Variants in CTNNA2 observed in about 807,000 individuals in gnomAD.
CTNNA2 encodes catenin alpha 2.
In CTNNA2, 42 loss-of-function variants were observed where a neutral mutation model predicts 101.0. That is an observed-to-expected ratio of 0.42 (90% CI 0.32 to 0.54). The LOEUF (loss-of-function observed/expected upper bound fraction) is 0.54, where lower values mean the gene tolerates loss of function less well. Ranked by LOEUF, CTNNA2 falls within the 20% of genes least tolerant of loss-of-function variation. The probability of loss-of-function intolerance (pLI) is 0.14; values close to 1 mark genes in which losing one functional copy is unlikely to be tolerated. For synonymous variants in CTNNA2, 450 were observed against 456.4 expected (o/e 0.99, Z 0.18); for missense variants, 871 against 1,223.1 (o/e 0.71, Z 4.29).
intron 6 of CTNNA2, among the ~76,000 whole-genome samples, chr2:79,881,986 T>TG (rs558202781): frequency 5.7e-4 from 86 of 151,896 alleles, no homozygotes; most frequent in Admixed American, 1.2e-3. Flanking sequence ...CAGGAGCTTT[T>TG]GCAAGGCAGG....
At chr2:80,360,547 C>A (rs1317613315) in intron 7 of CTNNA2, among the ~76,000 whole-genome samples, 1 of 152,016 alleles carries the variant, frequency 6.6e-6, no homozygotes, top group African/African-American at 2.4e-5. Context: ...GCATCTTAGA[C>A]TAATTTTAGG....
chr2:80,113,488 C>G (rs561518267), intron 7 of CTNNA2, among the ~76,000 whole-genome samples: 1 of 152,150 alleles, frequency 6.6e-6, no homozygotes, highest in African/African-American at 2.4e-5. Context: ...GTCATTCTTC[C>G]GGATCAGGAA....
intron 3 of CTNNA2, among the ~76,000 whole-genome samples, chr2:79,751,263 C>T (rs575500495): frequency 4.3e-4 from 66 of 152,136 alleles, no homozygotes; most frequent in Admixed American, 7.2e-4. Flanking sequence ...TAAAGAAGCC[C>T]TGATTTGATG....
intron 7 of CTNNA2, among the ~76,000 whole-genome samples, chr2:80,254,019 T>A (rs956485907): frequency 2.6e-5 from 4 of 152,102 alleles, no homozygotes; most frequent in Admixed American, 6.5e-5. Context: ...TTTAAGTAAT[T>A]TGCATGCCAA....
intron 1 of CTNNA2, among the ~76,000 whole-genome samples, chr2:79,595,489 G>A (rs936896118): frequency 6.6e-6 from 1 of 152,034 alleles, no homozygotes; most frequent in Non-Finnish European, 1.5e-5. Flanking sequence ...GCTCCCAATT[G>A]TCGTATTGCT....
At chr2:79,760,356 G>A (rs915554470) in intron 3 of CTNNA2, among the ~76,000 whole-genome samples, 13 of 151,942 alleles carry the variant, frequency 8.6e-5, no homozygotes, top group African/African-American at 2.9e-4. Context: ...CAGAGAAAGA[G>A]AACCAATAGG....
intron 2 of CTNNA2, among the ~76,000 whole-genome samples, chr2:79,728,000 C>T (rs1686964691): frequency 6.6e-6 from 1 of 151,948 alleles, no homozygotes; most frequent in Non-Finnish European, 1.5e-5. Context: ...GGGTTGGTTC[C>T]AAGTCTTTGC....
rs1418205037 is a variant in CTNNA2, at chr2:80,214,595, T to C, written c.1057-178616T>C. Reference sequence around the variant, plus strand: ...GCCGAGAGATCAGCTGTTAGTCTGATGGGCTTCCCTTTGTGGGTAACCCGA... The same window carrying C: ...GCCGAGAGATCAGCTGTTAGTCTGACGGGCTTCCCTTTGTGGGTAACCCGA... On this transcript the variant is annotated intron_variant, in intron 7 of 18. Coordinates refer to ENST00000402739, the MANE Select transcript of CTNNA2 (RefSeq NM_001282597.3). 6.6e-5 allele frequency among the ~76,000 whole-genome samples: 10 copies of C among 152,346 alleles called. No individual in the cohort carries two copies. The East Asian group carries it at 1.9e-3, about 29-fold the overall frequency.
chr2:80,406,743 C>T (rs1255152555), intron 8 of CTNNA2, among the ~76,000 whole-genome samples: 8 of 144,388 alleles, frequency 5.5e-5, no homozygotes, highest in Admixed American at 4.3e-4. Context: ...AGGAGAATGG[C>T]GTGAACCCGG....
intron 9 of CTNNA2, among the ~76,000 whole-genome samples, chr2:80,431,772 A>C (rs1226913987): frequency 6.6e-6 from 1 of 152,214 alleles, no homozygotes; most frequent in Non-Finnish European, 1.5e-5. Context: ...GTCATTATGT[A>C]AGTAGAAGCC....
chr2:80,565,862 C>A (rs1033766690), intron 12 of CTNNA2, among the ~76,000 whole-genome samples: 1 of 151,972 alleles, frequency 6.6e-6, no homozygotes, highest in South Asian at 2.1e-4. Flanking sequence ...TTTATGTAAA[C>A]CCTGAAGGGC....
At chr2:79,643,392 C>T (rs1304541669) in intron 1 of CTNNA2, among the ~76,000 whole-genome samples, 1 of 152,024 alleles carries the variant, frequency 6.6e-6, no homozygotes, top group African/African-American at 2.4e-5. Context: ...AAGTGTCGTT[C>T]CTGAACCAGC....
chr2:79,586,097 A>C (rs1272873657), intron 1 of CTNNA2, among the ~76,000 whole-genome samples: 3 of 152,098 alleles, frequency 2.0e-5, no homozygotes, highest in African/African-American at 7.2e-5. Context: ...GGAACCCCTG[A>C]AGGGGTTGTT....
At chr2:80,073,116 G>A (rs1452920957) in intron 7 of CTNNA2, among the ~76,000 whole-genome samples, 1 of 152,226 alleles carries the variant, frequency 6.6e-6, no homozygotes, top group Non-Finnish European at 1.5e-5. Flanking sequence ...TTGGAGAAAT[G>A]TGGGTTTGTG....
chr2:79,994,757 T>C (rs894852843), intron 7 of CTNNA2, among the ~76,000 whole-genome samples: 5 of 152,182 alleles, frequency 3.3e-5, no homozygotes, highest in African/African-American at 4.8e-5. Context: ...TATTTTTATT[T>C]GGCACTCCGC....
intron 4 of CTNNA2, among the ~76,000 whole-genome samples, chr2:79,394,010 G>A (rs775776641): frequency 2.0e-5 from 3 of 151,968 alleles, no homozygotes; most frequent in African/African-American, 7.3e-5. Flanking sequence ...TTATCTGAGT[G>A]CCACTTCCCA....
At chr2:80,543,981 G>A (rs1691813676) in intron 9 of CTNNA2, among the ~76,000 whole-genome samples, 1 of 152,102 alleles carries the variant, frequency 6.6e-6, no homozygotes, top group Non-Finnish European at 1.5e-5. Context: ...ATACCAGCCT[G>A]ATGGGACTGA....
chr2:79,359,483 T>C (rs1462549867), intron 3 of CTNNA2, among the ~76,000 whole-genome samples: 1 of 152,188 alleles, frequency 6.6e-6, no homozygotes, highest in Non-Finnish European at 1.5e-5. Context: ...CATGTTATAA[T>C]GCCATAAATG....
chr2:79,892,377 T>C (rs1369497862), intron 6 of CTNNA2, among the ~76,000 whole-genome samples: 1 of 152,192 alleles, frequency 6.6e-6, no homozygotes, highest in East Asian at 1.9e-4. Context: ...CTAACCAAAG[T>C]TATACTAATT....
Sources: allele counts gnomAD v4.1 joint callset (sites outside exome capture counted in the v4.1 genomes callset), GRCh38; gene constraint gnomAD v4.1.1; transcripts MANE v1.5; gene names NCBI Gene and HGNC (gene_info 2026-07-23, HGNC 2026-07-21).